The following CEP295 variants were observed in gnomAD, a reference collection of about 807,000 sequenced individuals.
CEP295 encodes the protein centrosomal protein of 295 kDa.
Under a neutral mutation model 291.6 loss-of-function variants are expected in CEP295, and 190 were observed. That is an observed-to-expected ratio of 0.65 (90% CI 0.58 to 0.73). The LOEUF is 0.73. CEP295 is among the 30% of genes least tolerant of loss of function. CEP295 has a pLI of 0.00. For missense variants in CEP295, 2,863 were observed against 2,949.4 expected (o/e 0.97, Z 0.68); for synonymous variants, 993 against 1,038.8 (o/e 0.96, Z 0.85).
intron 5 of CEP295, among the ~76,000 whole-genome samples, chr11:93,671,273 G>T (rs1057030528): frequency 9.9e-5 from 15 of 152,268 alleles, no homozygotes; most frequent in Middle Eastern, 3.4e-3. Flanking sequence ...CAATGCCATT[G>T]GTGGTAAATG....
At chr11:93,702,319 T>C (rs555139404) in intron 15 of CEP295, 141 bp from the exon 16 acceptor site, 53 of 536,038 alleles carry the variant, frequency 9.9e-5, no homozygotes, top group Non-Finnish European at 1.4e-4. Context: ...TTATTTTTTA[T>C]ATATAGATAA....
At chr11:93,675,518 C>T in intron 5 of CEP295, 53 bp from the exon 6 acceptor site, 1 of 972,802 alleles carries the variant, frequency 1.0e-6, no homozygotes, top group Non-Finnish European at 1.5e-6. Context: ...TTGGATTCAG[C>T]TTTAAGTGAA....
At chr11:93,684,153 T>C (rs2134970539) in intron 9 of CEP295, 25 bp downstream of exon 9, 2 of 1,538,296 alleles carry the variant, frequency 1.3e-6, no homozygotes, top group Non-Finnish European at 8.8e-7. Context: ...GAGCTAAATA[T>C]TACAGTATTT....
At chr11:93,670,527 G>C (rs1252195921) in intron 5 of CEP295, among the ~76,000 whole-genome samples, 1 of 152,130 alleles carries the variant, frequency 6.6e-6, no homozygotes, top group Non-Finnish European at 1.5e-5. Context: ...GAATGAAGTA[G>C]AAGTAAACCC....
At chr11:93,720,971 T>A (rs916250727) in intron 18 of CEP295, among the ~76,000 whole-genome samples, 1 of 152,222 alleles carries the variant, frequency 6.6e-6, no homozygotes, top group African/African-American at 2.4e-5. Flanking sequence ...TATGATTTAA[T>A]ATTCTTGCTT....
chr11:93,676,115 A>G (rs1049854577), intron 6 of CEP295, among the ~76,000 whole-genome samples: 3 of 152,028 alleles, frequency 2.0e-5, no homozygotes, highest in African/African-American at 7.2e-5. Context: ...TCATGGTAGC[A>G]TTTATTTAAC....
chr11:93,729,672 GAA>G lies in CEP295; in HGVS notation c.7463_7464del (p.Lys2488IlefsTer16). On this transcript the variant is annotated frameshift_variant, in exon 27 of 30. Transcript: ENST00000325212. LOFTEE classifies it high-confidence loss of function. ...GSLQEAFIKR[K>X]KSFMERSHQR... ...GCTTACAAGAAGCATTTATAAAGAGGAAAAAATCATTTATGGAGAGATCCCAC... is the reference window on the plus strand; with the variant it reads ...GCTTACAAGAAGCATTTATAAAGAGGAAAATCATTTATGGAGAGATCCCAC... The G allele has an allele frequency of 6.4e-7, 1 of 1,550,690 alleles. No individual in the cohort carries two copies. The highest frequency in any genetic ancestry group is 8.7e-7 in the Non-Finnish European group (1 of 1,146,616).
chr11:93,706,866 G>C lies in CEP295; in HGVS notation c.5718G>C (p.Glu1906Asp). ...GTTGTCTTCAACTGGTTGGCCAAGA[G>C]AATGTCTGTGGTGATGACTATGATG... Reference protein sequence around the residue: ...PFSCLQLVGQENVCGDDYDEA... With the variant: ...PFSCLQLVGQDNVCGDDYDEA... The change falls in exon 18 of 30, where the codon GAG becomes GAC. Residue 1906 changes from glutamate (E) to aspartate (D), a missense_variant. Glu to Asp is a conservative substitution (Grantham distance 45). This residue lies in a region of CEP295 where 2,295 missense variants were observed against 2,335.7 expected (regional missense o/e 0.98). Coordinates refer to ENST00000325212, the MANE Select transcript of CEP295 (RefSeq NM_033395.2). 6.5e-7 allele frequency: 1 copy of C among 1,547,644 alleles called. No homozygotes were observed. Among genetic ancestry groups the C allele is most frequent in the Non-Finnish European group, 8.7e-7 (1 of 1,144,934 alleles).
In CEP295 at chr11:93,727,396, G is replaced by A. The variant is rs966460003; in HGVS notation, c.6920G>A (p.Cys2307Tyr). Residue 2307 changes from cysteine (C) to tyrosine (Y), a missense_variant, in exon 24 of 30, where the codon TGT (cysteine) becomes TAT (tyrosine). Transcript: ENST00000325212. ...ATTGAAGATAATAAAAATGAAACCT[G>A]TAGGGTTTTAGACATAAATCCACAG... ...GLIEDNKNET[C>Y]RVLDINPQVE... 1 of 1,551,548 alleles carries A rather than the reference G, an allele frequency of 6.4e-7. No individual in the cohort carries two copies.
chr11:93,703,051 C>T (rs1007687363), intron 17 of CEP295, 132 bp downstream of exon 17: 4 of 734,254 alleles, frequency 5.4e-6, no homozygotes, highest in Non-Finnish European at 8.4e-6. Context: ...GAAACCTCTG[C>T]CTTCTGGGTT....
Position 93,696,857 on chromosome 11 carries a change from C to G in CEP295, c.1945C>G (p.Gln649Glu). 3 of 1,551,716 alleles carry G rather than the reference C, an allele frequency of 1.9e-6. No individual in the cohort carries two copies. Among genetic ancestry groups the G allele is most frequent in the South Asian group, 1.2e-5 (1 of 84,050 alleles). ...TAISEHWDQG[Q>E]RLKLSPNKYQ... is the part of the protein sequence containing the mutation. ...TATATCAGAGCATTGGGATCAAGGT[C>G]AGAGACTCAAGTTGAGTCCTAACAA... The change falls in exon 15 of 30, where the codon CAG (glutamine) becomes GAG (glutamate). Residue 649 changes from glutamine (Q) to glutamate (E), a missense_variant. Gln to Glu is a conservative substitution (Grantham distance 29). Coordinates refer to ENST00000325212, the MANE Select transcript of CEP295 (RefSeq NM_033395.2).
rs558061169 is a variant in CEP295, at chr11:93,729,452, C to T, written c.7321C>T (p.Leu2441Phe). Reference sequence around the variant, plus strand: ...CCATTAGGTGAGTGAGTTTCTGCCTCTTGTATCAGCAACAGAAGCCTCAGA... The same window carrying T: ...CCATTAGGTGAGTGAGTTTCTGCCTTTTGTATCAGCAACAGAAGCCTCAGA... Reference protein sequence around the residue: ...CFFQVSEFLPLVSATEASDYP... With the variant: ...CFFQVSEFLPFVSATEASDYP... The change falls in exon 26 of 30, where the codon CTT becomes TTT. Residue 2441 changes from leucine to phenylalanine, a missense_variant. Leu to Phe is a conservative substitution (Grantham distance 22, BLOSUM62 0). Around this residue, in one of 3 missense-constraint regions of CEP295, gnomAD observed 2,295 missense variants for 2,335.7 expected, o/e 0.98. Coordinates refer to ENST00000325212, the MANE Select transcript of CEP295 (RefSeq NM_033395.2). 6.4e-7 allele frequency: 1 copy of T among 1,551,640 alleles called. No individual in the cohort carries two copies. Among genetic ancestry groups the T allele is most frequent in the Non-Finnish European group, 8.7e-7 (1 of 1,146,756 alleles).
At chr11:93,669,850 C>G (rs1445238284) in intron 5 of CEP295, 80 bp downstream of exon 5, 4 of 849,146 alleles carry the variant, frequency 4.7e-6, no homozygotes, top group Non-Finnish European at 5.6e-6. Context: ...ATGACTATCA[C>G]TTAAACTTAA....
chr11:93,691,379 T>C (rs1951545357), intron 10 of CEP295, among the ~76,000 whole-genome samples: 1 of 152,266 alleles, frequency 6.6e-6, no homozygotes, highest in East Asian at 1.9e-4. Flanking sequence ...TTCTCCTTTT[T>C]AACTTTGATA....
At chr11:93,679,583 C>G in intron 7 of CEP295, 31 bp downstream of exon 7, 1 of 1,530,212 alleles carries the variant, frequency 6.5e-7, no homozygotes, top group Non-Finnish European at 8.8e-7. Flanking sequence ...ATGACCATTA[C>G]TCATGGACTT....
Position 93,697,808 on chromosome 11 carries a change from G to T in CEP295, c.2896G>T (p.Ala966Ser), listed in dbSNP as rs1565181548. Residue 966 changes from alanine to serine, a missense_variant, in exon 15 of 30, where the codon GCT (alanine) becomes TCT (serine). By Grantham distance (99) the Ala-to-Ser change is moderately conservative. This residue lies in a region of CEP295 where 2,295 missense variants were observed against 2,335.7 expected (regional missense o/e 0.98). Transcript: ENST00000325212. ...GAATATTCAGAAGGATAGCCTTCAGGCTAGGCGAGAAGCCCAGGAAGTATT... is the reference window on the plus strand; with the variant it reads ...GAATATTCAGAAGGATAGCCTTCAGTCTAGGCGAGAAGCCCAGGAAGTATT... ...QLNIQKDSLQARREAQEVLYV... is the reference protein window; with the variant it reads ...QLNIQKDSLQSRREAQEVLYV... 1.0e-5 allele frequency: 16 copies of T among 1,551,746 alleles called. No homozygotes were observed. Among genetic ancestry groups the T allele is most frequent in the Non-Finnish European group, 1.3e-5 (15 of 1,146,988 alleles).
At chr11:93,693,865 G>A (rs1448106895) in intron 12 of CEP295, among the ~76,000 whole-genome samples, 1 of 152,286 alleles carries the variant, frequency 6.6e-6, no homozygotes, top group Non-Finnish European at 1.5e-5. Context: ...TGTACAGTAT[G>A]TACCTGTTAG....
intron 18 of CEP295, among the ~76,000 whole-genome samples, chr11:93,707,409 G>A (rs921732679): frequency 1.1e-4 from 17 of 152,004 alleles, no homozygotes; most frequent in African/African-American, 4.1e-4. Context: ...TATAATTTGT[G>A]TACTGATCCT....
Position 93,727,639 on chromosome 11 carries a change from T to C in CEP295, c.7161+2T>C, listed in dbSNP as rs1252669156. 1 of 1,518,448 alleles carries C rather than the reference T, an allele frequency of 6.6e-7. No individual in the cohort carries two copies. The highest frequency in any genetic ancestry group is 2.5e-5 in the East Asian group (1 of 40,706). 94.1% of individuals were successfully genotyped at this position (1,518,448 alleles called of 1,614,324 possible). ...TTACAGAGCTCTATACCAGTCTGGG[T>C]AAGTGAAATCAGTGTTGTATAAATA... On this transcript the variant is annotated splice_donor_variant, in intron 24 of 29. Transcript: ENST00000325212. LOFTEE classifies it high-confidence loss of function.
Sources: allele counts gnomAD v4.1 joint callset (sites outside exome capture counted in the v4.1 genomes callset), GRCh38; gene constraint gnomAD v4.1.1; regional missense constraint gnomAD v4.1.1; transcripts MANE v1.5; gene names NCBI Gene and HGNC (gene_info 2026-07-23, HGNC 2026-07-21).